The following KAZN variants were observed in gnomAD, a reference collection of about 807,000 sequenced individuals.
KAZN encodes the protein kazrin, periplakin interacting protein.
In KAZN, 40 loss-of-function variants were observed where a neutral mutation model predicts 87.4. The ratio of observed to expected loss-of-function variants is 0.46; its 90% CI spans 0.36 to 0.60. The LOEUF (loss-of-function observed/expected upper bound fraction) is 0.60. KAZN is among the 20% of genes least tolerant of loss of function. KAZN has a pLI of 0.00. For missense variants in KAZN, 898 were observed against 1,073.9 expected, an observed-to-expected ratio of 0.84 and a Z score of 2.29; for synonymous variants, 466 against 458.3, an observed-to-expected ratio of 1.02 and a Z score of -0.22.
At chr1:14,979,531 G>T (rs1205977288) in intron 2 of KAZN, among the ~76,000 whole-genome samples, 1 of 152,086 alleles carries the variant, frequency 6.6e-6, no homozygotes, top group African/African-American at 2.4e-5. Context: ...CCCCCTCCCC[G>T]CCAACGCACC....
intron 2 of KAZN, among the ~76,000 whole-genome samples, chr1:14,234,770 C>G (rs982181916): frequency 1.3e-5 from 2 of 152,158 alleles, no homozygotes; most frequent in African/African-American, 4.8e-5. Flanking sequence ...TTAGCTAAAG[C>G]AAAGGAGAGC....
intron 2 of KAZN, among the ~76,000 whole-genome samples, chr1:14,524,166 CAT>C (rs1671741731): frequency 6.6e-6 from 1 of 152,076 alleles, no homozygotes; most frequent in African/African-American, 2.4e-5. Context: ...GGATTACAGG[CAT>C]GCACCACCAC....
intron 4 of KAZN, among the ~76,000 whole-genome samples, chr1:15,049,791 G>A (rs550220853): frequency 3.9e-5 from 6 of 152,126 alleles, no homozygotes; most frequent in African/African-American, 7.2e-5. Flanking sequence ...TGGGGAGGCC[G>A]AGGCAGGTGG....
chr1:14,921,761 G>C (rs1453692102), intron 1 of KAZN, among the ~76,000 whole-genome samples: 1 of 152,230 alleles, frequency 6.6e-6, no homozygotes, highest in Non-Finnish European at 1.5e-5. Context: ...GCCTAGCCTG[G>C]AGTGTGCTGG....
chr1:13,953,456 GT>G, intron 1 of KAZN, among the ~76,000 whole-genome samples: 1 of 152,272 alleles, frequency 6.6e-6, no homozygotes, highest in South Asian at 2.1e-4. Flanking sequence ...AAATTGAATG[GT>G]TGTTTGTCTG....
intron 1 of KAZN, among the ~76,000 whole-genome samples, chr1:14,765,250 A>T (rs192496218): frequency 6.6e-6 from 1 of 152,348 alleles, no homozygotes; most frequent in East Asian, 1.9e-4. Context: ...GACATTGCCA[A>T]GTACCTCCTT....
At chr1:14,596,873 G>A (rs1676543350), upstream of KAZN, among the ~76,000 whole-genome samples, 1 of 152,128 alleles carries the variant, frequency 6.6e-6, no homozygotes, top group Non-Finnish European at 1.5e-5. Flanking sequence ...CTGCCTTCTG[G>A]CTACTAATGA....
At chr1:14,585,799 G>A (rs927011570) in intron 2 of KAZN, among the ~76,000 whole-genome samples, 13 of 152,128 alleles carry the variant, frequency 8.5e-5, no homozygotes, top group East Asian at 7.7e-4. Context: ...GCAGCAGAAC[G>A]TCCCAGCCCA....
chr1:13,994,694 G>T (rs749944040), intron 1 of KAZN, among the ~76,000 whole-genome samples: 1 of 152,122 alleles, frequency 6.6e-6, no homozygotes, highest in African/African-American at 2.4e-5. Flanking sequence ...TGACCTATTT[G>T]GTGGGGCAGT....
At chr1:14,589,063 C>T (rs1676030125) in intron 2 of KAZN, among the ~76,000 whole-genome samples, 2 of 152,106 alleles carry the variant, frequency 1.3e-5, no homozygotes, top group South Asian at 4.1e-4. Context: ...TTTTACCTCC[C>T]AACCTGCCCT....
At chr1:14,068,796 T>G (rs1451454623) in intron 1 of KAZN, among the ~76,000 whole-genome samples, 2 of 138,868 alleles carry the variant, frequency 1.4e-5, no homozygotes, top group East Asian at 4.6e-4. Context: ...GTTGTTGAGT[T>G]CTCTTTTTTT....
chr1:14,068,215 A>ACCAC (rs775407923), intron 1 of KAZN, among the ~76,000 whole-genome samples: 1 of 152,144 alleles, frequency 6.6e-6, no homozygotes, highest in South Asian at 2.1e-4. Flanking sequence ...TCTACCAACC[A>ACCAC]CCACATTAAA....
At chr1:14,031,225 T>C (rs988922175) in intron 1 of KAZN, among the ~76,000 whole-genome samples, 3 of 152,238 alleles carry the variant, frequency 2.0e-5, no homozygotes, top group African/African-American at 7.2e-5. Flanking sequence ...CCAAATACCA[T>C]GTGAATATCA....
chr1:15,054,664 AAG>A (rs201348103), intron 4 of KAZN, among the ~76,000 whole-genome samples: 9,458 of 150,402 alleles, frequency 0.063, 920 homozygotes, highest in African/African-American at 0.22. Context: ...AAAAAAAAAA[AAG>A]AAGAAGAAGA....
chr1:14,571,501 T>C (rs1053532711), intron 2 of KAZN, among the ~76,000 whole-genome samples: 2 of 152,226 alleles, frequency 1.3e-5, no homozygotes, highest in Admixed American at 6.5e-5. Flanking sequence ...TTAATCTCTC[T>C]TGGCAAAGCT....
chr1:14,450,669 G>A (rs1667223100), intron 2 of KAZN, among the ~76,000 whole-genome samples: 1 of 152,104 alleles, frequency 6.6e-6, no homozygotes, highest in Non-Finnish European at 1.5e-5. Flanking sequence ...ACGATGGTGG[G>A]GCGTGGGAAA....
At chr1:14,246,702 C>G (rs1649547868) in intron 2 of KAZN, among the ~76,000 whole-genome samples, 1 of 152,142 alleles carries the variant, frequency 6.6e-6, no homozygotes. Flanking sequence ...TATAGTTTTG[C>G]CTAAACTGTA....
At chr1:13,914,060 A>C (rs1639751488) in intron 1 of KAZN, among the ~76,000 whole-genome samples, 2 of 152,188 alleles carry the variant, frequency 1.3e-5, no homozygotes, top group African/African-American at 4.8e-5. Context: ...AGGCTCGAGA[A>C]CCAATGTGCT....
chr1:14,605,053 C>T (rs377051038), intron 1 of KAZN, among the ~76,000 whole-genome samples: 2 of 152,170 alleles, frequency 1.3e-5, no homozygotes, highest in African/African-American at 4.8e-5. Flanking sequence ...AAGAACAGAG[C>T]GCCCCTTTTA....
Sources: gnomAD v4.1 joint callset for allele counts (sites outside exome capture counted in the v4.1 genomes callset) on GRCh38, gnomAD v4.1.1 for gene constraint, MANE v1.5 for transcripts, NCBI Gene and HGNC (gene_info 2026-07-23, HGNC 2026-07-21) for gene names.